Variants in FHIP2A observed in about 807,000 individuals in gnomAD.
The protein encoded by FHIP2A is FHF complex subunit HOOK interacting protein 2A.
A neutral mutation model predicts 93.5 loss-of-function variants in FHIP2A; 46 were observed. The ratio of observed to expected loss-of-function variants is 0.49; its 90% CI spans 0.39 to 0.63. FHIP2A has a LOEUF of 0.63. FHIP2A is among the 20% of genes least tolerant of loss of function. The pLI is 0.00. For missense variants in FHIP2A, 769 were observed against 909.7 expected, an observed-to-expected ratio of 0.85 and a Z score of 1.99; for synonymous variants, 332 against 326.5, an observed-to-expected ratio of 1.02 and a Z score of -0.18.
chr10:114,871,157 A>T (rs1592029446), intron 16 of FHIP2A, among the ~76,000 whole-genome samples: 1 of 150,736 alleles, frequency 6.6e-6, no homozygotes, highest in African/African-American at 2.4e-5. Flanking sequence ...ATACACAAAC[A>T]CACACATTTT....
chr10:114,860,049 T>G lies in FHIP2A; in HGVS notation c.1948-700T>G, dbSNP rs531415636. Among the ~76,000 whole-genome samples the G allele has an allele frequency of 1.7e-3, 256 of 152,278 alleles. 3 individuals are homozygous for G. The highest frequency in any genetic ancestry group is 5.8e-3 in the African/African-American group (239 of 41,554). ...TCTAAAATTACTATATTTAAAAAGG[T>G]GTAATATCTTCCCATCTTGTTTTTT... On this transcript the variant is annotated intron_variant, in intron 14 of 16. Transcript: ENST00000369248.
intron 16 of FHIP2A, among the ~76,000 whole-genome samples, chr10:114,882,378 A>G (rs898664548): frequency 1.3e-5 from 2 of 152,186 alleles, no homozygotes; most frequent in African/African-American, 4.8e-5. Context: ...TACATGGTAT[A>G]TATCCCAATG....
At position 114,851,482 on chromosome 10, in the gene FHIP2A, C is replaced by T. The variant is rs149362977; in HGVS notation, c.1803+2745C>T. Among the ~76,000 whole-genome samples the T allele has an allele frequency of 2.8e-4, 42 of 151,806 alleles. No homozygotes were observed. In the East Asian group the frequency reaches 6.6e-3, roughly 24 times the overall value. ...AGCACTTAGTGAAAAGGGTATTTTC[C>T]GTGTATTGACTTTAAGTGTAAAGTT... On this transcript the variant is annotated intron_variant, in intron 13 of 16. Coordinates refer to ENST00000369248, the MANE Select transcript of FHIP2A (RefSeq NM_020940.4).
At chr10:114,876,336 C>T (rs543590916) in intron 16 of FHIP2A, among the ~76,000 whole-genome samples, 2 of 152,328 alleles carry the variant, frequency 1.3e-5, no homozygotes, top group East Asian at 1.9e-4. Context: ...CAGGATTTGG[C>T]TTGTTCCTGT....
At chr10:114,876,107 T>C (rs1004472509) in intron 16 of FHIP2A, among the ~76,000 whole-genome samples, 28 of 152,262 alleles carry the variant, frequency 1.8e-4, no homozygotes, top group Non-Finnish European at 2.9e-4. Flanking sequence ...ACCCTCCCGC[T>C]CACCAGCGCT....
At chr10:114,845,979 TA>T (rs754339367) in intron 8 of FHIP2A, 33 bp from the exon 9 acceptor site, 38,172 of 1,086,042 alleles carry the variant, frequency 0.035, 22 homozygotes, top group South Asian at 0.042. Context: ...TCTTTTATAT[TA>T]AAAAAAAAAA....
chr10:114,833,613 C>T, intron 3 of FHIP2A: 1 of 453,990 alleles, frequency 2.2e-6, no homozygotes, highest in Non-Finnish European at 3.8e-6. Flanking sequence ...ACAACTTGTA[C>T]TTGGCTGCTT....
At chr10:114,832,979 G>T (rs2083616335) in intron 2 of FHIP2A, among the ~76,000 whole-genome samples, 1 of 152,070 alleles carries the variant, frequency 6.6e-6, no homozygotes, top group African/African-American at 2.4e-5. Flanking sequence ...CTCCCAAAGT[G>T]CTGGAATTAC....
intron 16 of FHIP2A, among the ~76,000 whole-genome samples, chr10:114,870,650 C>T (rs2083855075): frequency 6.6e-6 from 1 of 152,144 alleles, no homozygotes; most frequent in Non-Finnish European, 1.5e-5. Context: ...GTAACATCAT[C>T]CGTGATGTTC....
chr10:114,836,926 G>A (rs182649901), intron 5 of FHIP2A, among the ~76,000 whole-genome samples: 80 of 152,074 alleles, frequency 5.3e-4, no homozygotes, highest in African/African-American at 1.5e-3. Flanking sequence ...TTTTGAGGCA[G>A]GGTCTTGCTT....
At chr10:114,888,790 A>G (rs1364567626) in intron 16 of FHIP2A, among the ~76,000 whole-genome samples, 1 of 151,966 alleles carries the variant, frequency 6.6e-6, no homozygotes, top group Non-Finnish European at 1.5e-5. Flanking sequence ...TTTAGTAGAG[A>G]TGGGGTTTCA....
chr10:114,881,129 G>T (rs951874882), intron 16 of FHIP2A, among the ~76,000 whole-genome samples: 3 of 152,202 alleles, frequency 2.0e-5, no homozygotes, highest in African/African-American at 4.8e-5. Context: ...CTGTAAACAT[G>T]CCTGCAAGTT....
chr10:114,891,537 ATGTGTGTGTGTGTGTGTGTG>A (rs34032569), intron 16 of FHIP2A, among the ~76,000 whole-genome samples: 1 of 137,130 alleles, frequency 7.3e-6, no homozygotes, highest in Admixed American at 7.3e-5. Flanking sequence ...ATATATATAT[ATGTGTGTGTGTGTGTGTGTG>A]TGTGTGTGTG....
At chr10:114,874,457 A>G (rs983982569) in intron 16 of FHIP2A, among the ~76,000 whole-genome samples, 6 of 152,218 alleles carry the variant, frequency 3.9e-5, no homozygotes, top group Non-Finnish European at 4.4e-5. Flanking sequence ...GCTAATGATG[A>G]GCATTTACAA....
At chr10:114,854,359 G>T (rs976053818) in intron 13 of FHIP2A, among the ~76,000 whole-genome samples, 8 of 152,246 alleles carry the variant, frequency 5.3e-5, no homozygotes, top group African/African-American at 1.9e-4. Context: ...AGGCGTGGTG[G>T]CACATGCCTG....
intron 5 of FHIP2A, among the ~76,000 whole-genome samples, chr10:114,838,916 A>G (rs1046422246): frequency 5.9e-5 from 9 of 152,206 alleles, no homozygotes. Flanking sequence ...AGGACTATTC[A>G]TATGTGTTTA....
chr10:114,861,677 G>C lies in FHIP2A; in HGVS notation c.*137G>C. ...GCTGTAAACTGGACAGAACCATTAA[G>C]AACCTATTGAGTGGACATTCTTGGT... is the stretch of plus-strand genomic sequence containing the variant. On this transcript the variant is annotated 3_prime_UTR_variant, in exon 17 of 17. Transcript: ENST00000369248. The C allele has an allele frequency of 7.0e-7, 1 of 1,432,150 alleles. No homozygotes were observed. The highest frequency in any genetic ancestry group is 1.4e-5 in the African/African-American group (1 of 69,614). 88.7% of individuals were successfully genotyped at this position (1,432,150 alleles called of 1,614,324 possible).
chr10:114,885,933 A>G (rs574542904), intron 16 of FHIP2A, among the ~76,000 whole-genome samples: 4 of 152,312 alleles, frequency 2.6e-5, no homozygotes, highest in African/African-American at 9.6e-5. Context: ...GAAGGCTGTC[A>G]AAGAAAACTT....
At chr10:114,825,628 G>C (rs1258018732) in intron 1 of FHIP2A, among the ~76,000 whole-genome samples, 1 of 152,170 alleles carries the variant, frequency 6.6e-6, no homozygotes, top group Non-Finnish European at 1.5e-5. Flanking sequence ...TGATTGGCCA[G>C]TAAGAGTCTT....
Sources: allele counts gnomAD v4.1 joint callset (sites outside exome capture counted in the v4.1 genomes callset), GRCh38; gene constraint gnomAD v4.1.1; transcripts MANE v1.5; gene names NCBI Gene and HGNC (gene_info 2026-07-23, HGNC 2026-07-21).